RFNG: variants seen among roughly 807,000 people sequenced by gnomAD.
RFNG encodes the protein beta-1,3-N-acetylglucosaminyltransferase radical fringe.
Under a neutral mutation model 29.6 loss-of-function variants are expected in RFNG, and 37 were observed. The ratio of observed to expected loss-of-function variants is 1.25; its 90% CI spans 0.96 to 1.65. The LOEUF is 1.65. Among genes scored for constraint, RFNG ranks in the 40% most tolerant of loss-of-function variants. The probability of loss-of-function intolerance (pLI) is 0.00; values close to 1 mark genes in which losing one functional copy is unlikely to be tolerated. For synonymous variants in RFNG, 276 were observed against 197.3 expected (o/e 1.40, Z -3.34); for missense variants, 546 against 457.0 (o/e 1.19, Z -1.78).
rs778561237 is a variant in RFNG, at chr17:82,051,271, G to T, written c.316+23C>A. On this transcript the variant is annotated intron_variant, in intron 2 of 7. Coordinates refer to ENST00000310496, the MANE Select transcript of RFNG (RefSeq NM_002917.2). This position sits in a 1 kb window ranked among gnomAD's most constrained non-coding sequence, Gnocchi z 4.1. ...GGCTCGGGGGGCAGATCCCGCGGGC[G>T]CCGGGGAGTGGGGGACACTCACCGC... The T allele has an allele frequency of 4.4e-6, 6 of 1,354,202 alleles. No homozygotes were observed. The Admixed American group carries it at 1.7e-4, about 39-fold the overall frequency. 83.9% of individuals were successfully genotyped at this position (1,354,202 alleles called of 1,614,324 possible).
chr17:82,050,715 G>T lies in RFNG; in HGVS notation c.366C>A (p.Ala122=). The T allele has an allele frequency of 6.2e-7, 1 of 1,613,220 alleles. No homozygotes were observed. Among genetic ancestry groups the T allele is most frequent in the South Asian group, 1.1e-5 (1 of 91,084 alleles). The change falls in exon 3 of 8, where the codon GCC becomes GCA. Residue 122 remains alanine, a synonymous_variant. Transcript: ENST00000310496. The part of the protein sequence containing the change: ...TNCSAVRTRQ[A]LCCKMSVEYD... ...ACTCCACGGACATCTTGCAGCAGAGGGCCTGACGAGTGCGCACCGCCGAGC... is the reference window on the plus strand; with the variant it reads ...ACTCCACGGACATCTTGCAGCAGAGTGCCTGACGAGTGCGCACCGCCGAGC...
Position 82,049,948 on chromosome 17 carries a change from C to A in RFNG, c.632G>T (p.Gly211Val), listed in dbSNP as rs754177910. 8.1e-6 allele frequency: 13 copies of A among 1,612,498 alleles called. No individual in the cohort carries two copies. In the Admixed American group the frequency reaches 1.5e-4, roughly 19 times the overall value. Residue 211 changes from glycine to valine, a missense_variant, in exon 5 of 8, where the codon GGC becomes GTC. By Grantham distance (109) the Gly-to-Val change is moderately radical. Coordinates refer to ENST00000310496, the MANE Select transcript of RFNG (RefSeq NM_002917.2). ...TGGAGFCLSR[G>V]LALKMSPWAS... ...CCATGGGCTCATCTTGAGGGCAAGG[C>A]CTCTGCTGAGGCAGAACCCGGCCCC...
chr17:82,049,912 A>C lies in RFNG; in HGVS notation c.662+6T>G, dbSNP rs1216091472. 2.5e-6 allele frequency: 4 copies of C among 1,611,570 alleles called. No individual in the cohort carries two copies. The highest frequency in any genetic ancestry group is 3.4e-6 in the Non-Finnish European group (4 of 1,179,480). On this transcript the variant is annotated splice_donor_region_variant and intron_variant, in intron 5 of 7. Coordinates refer to ENST00000310496, the MANE Select transcript of RFNG (RefSeq NM_002917.2). ...TCCCAGCCCGGGCAGCTGGACCCCC[A>C]CTCACCTGGCCCATGGGCTCATCTT...
intron 4 of RFNG, 128 bp from the exon 5 acceptor site, chr17:82,050,134 T>A: frequency 1.1e-6 from 1 of 929,418 alleles, no homozygotes; most frequent in Non-Finnish European, 1.7e-6. Flanking sequence ...AGAAGCTTCT[T>A]GGAGCAAAAA....
chr17:82,050,056 C>T (rs2030223972), intron 4 of RFNG, 50 bp from the exon 5 acceptor site: 1 of 1,463,466 alleles, frequency 6.8e-7, no homozygotes. Flanking sequence ...CTTCTCACCC[C>T]TGACTCTTCA....
In RFNG at chr17:82,047,959, G is replaced by A. The variant is rs1355993285; in HGVS notation, c.*767C>T. ...GCAACAGCAAAGCAGGAGGCAGAGG[G>A]GAGATGACGGCCCCTGTCCCATTTC... is the stretch of plus-strand genomic sequence containing the variant. On this transcript the variant is annotated 3_prime_UTR_variant, in exon 8 of 8. Transcript: ENST00000310496. The A allele has an allele frequency of 1.3e-5, 2 of 152,312 alleles. No homozygotes were observed. The highest frequency in any genetic ancestry group is 2.4e-5 in the African/African-American group (1 of 41,426). The allele number at this position is 152,312 out of a possible 1,614,324, so 9.4% of individuals were successfully genotyped here.
rs1249096831 is a variant in RFNG, at chr17:82,051,389, G to A, written c.268-47C>T. On this transcript the variant is annotated intron_variant, in intron 1 of 7. Coordinates refer to ENST00000310496, the MANE Select transcript of RFNG (RefSeq NM_002917.2). The surrounding 1 kb of genome is among the most constrained non-coding windows in gnomAD (Gnocchi z 4.1). ...AGGCTTCTGGGGCGCTGCCCAGGCCGGAGACCGACCCGCCCCGCGCGGAGC... is the reference window on the plus strand; with the variant it reads ...AGGCTTCTGGGGCGCTGCCCAGGCCAGAGACCGACCCGCCCCGCGCGGAGC... The A allele has an allele frequency of 2.8e-6, 4 of 1,429,876 alleles. No homozygotes were observed. In the African/African-American group the frequency reaches 4.5e-5, roughly 16 times the overall value. 88.6% of individuals were successfully genotyped at this position (1,429,876 alleles called of 1,614,324 possible). A position where few individuals can be genotyped will look rare whatever the true frequency, so the allele number is the denominator to read the frequency against.
In RFNG at chr17:82,049,031, C is replaced by T. The variant is rs1027817427; in HGVS notation, c.914G>A (p.Arg305Gln). Residue 305 changes from arginine to glutamine, a missense_variant and splice_region_variant, in exon 7 of 8, where the codon CGG becomes CAG. Physicochemically the swap from Arg to Gln is conservative, Grantham distance 43. Transcript: ENST00000310496. ...GGFSLHQDPT[R>Q]FKSIHCLLYP... ...CCTGCCCATGCCACTACCTACTCAC[C>T]GTGTGGGGTCTTGATGCAGGCTGAA... The T allele has an allele frequency of 8.7e-6, 14 of 1,612,900 alleles. No homozygotes were observed. The highest frequency in any genetic ancestry group is 2.2e-5 in the South Asian group (2 of 91,066).
At position 82,049,776 on chromosome 17, in the gene RFNG, G is replaced by A. The variant is rs375305235; in HGVS notation, c.729C>T (p.Ile243=). The A allele has an allele frequency of 3.9e-6, 6 of 1,528,828 alleles. No individual in the cohort carries two copies. Among genetic ancestry groups the A allele is most frequent in the African/African-American group, 2.8e-5 (2 of 72,026 alleles). The allele number at this position is 1,528,828 out of a possible 1,614,324, so 94.7% of individuals were successfully genotyped here. Residue 243 remains isoleucine (I), a synonymous_variant, in exon 6 of 8, where the codon ATC becomes ATT. Transcript: ENST00000310496. ...GGCGGGCGCCCAGGAGCCCCTCCAC[G>A]ATGTAGCCAACTGTGCAGTCATCCG... ...RLPDDCTVGY[I]VEGLLGARLL... is the part of the protein sequence containing the mutation.
rs896850460 is a variant in RFNG at position 82,048,470 on chromosome 17, T to C, written c.*256A>G. Reference sequence around the variant, plus strand: ...GAAGCCTGTTCCCGTGGGATCAACCTTGGGGCTGGGTCGGGGGGAGGGGCA... The same window carrying C: ...GAAGCCTGTTCCCGTGGGATCAACCCTGGGGCTGGGTCGGGGGGAGGGGCA... On this transcript the variant is annotated 3_prime_UTR_variant, in exon 8 of 8. Coordinates refer to ENST00000310496, the MANE Select transcript of RFNG (RefSeq NM_002917.2). The C allele has an allele frequency of 9.4e-6, 5 of 532,870 alleles. No homozygotes were observed. Among genetic ancestry groups the C allele is most frequent in the East Asian group, 3.3e-5 (1 of 30,690 alleles). The allele number at this position is 532,870 out of a possible 1,614,324, so 33.0% of individuals were successfully genotyped here.
At position 82,050,517 on chromosome 17, in the gene RFNG, G is replaced by C; in HGVS notation, c.458C>G (p.Ala153Gly). ...CHVDDDNYVN[A>G]RSLLHLLSSF... Reference sequence around the variant, plus strand: ...GGAGAGCAGGTGCAGGAGGCTCCTGGCGTTCACATAATTGTCATCATCCAC... The same window carrying C: ...GGAGAGCAGGTGCAGGAGGCTCCTGCCGTTCACATAATTGTCATCATCCAC... The change falls in exon 4 of 8, where the codon GCC (alanine) becomes GGC (glycine). Residue 153 changes from alanine to glycine, a missense_variant. Physicochemically the swap from Ala to Gly is moderately conservative, Grantham distance 60 (BLOSUM62 0). Coordinates refer to ENST00000310496, the MANE Select transcript of RFNG (RefSeq NM_002917.2). 5 of 1,612,860 alleles carry C rather than the reference G, an allele frequency of 3.1e-6. No homozygotes were observed. The highest frequency in any genetic ancestry group is 4.2e-6 in the Non-Finnish European group (5 of 1,179,758).
rs748681219 is a variant in RFNG, at chr17:82,051,250, CG to C, written c.316+43del. 6 of 1,334,436 alleles carry C rather than the reference CG, an allele frequency of 4.5e-6. No individual in the cohort carries two copies. The highest frequency in any genetic ancestry group is 2.9e-5 in the East Asian group (1 of 34,186). The allele number at this position is 1,334,436 out of a possible 1,614,324, so 82.7% of individuals were successfully genotyped here. A position where few individuals can be genotyped will look rare whatever the true frequency, so the allele number is the denominator to read the frequency against. On this transcript the variant is annotated intron_variant, in intron 2 of 7. Transcript: ENST00000310496. The surrounding 1 kb of genome is among the most constrained non-coding windows in gnomAD (Gnocchi z 4.1). ...CCGTGGCTTCGGAGCGAGAAAGGCT[CG>C]GGGGGCAGATCCCGCGGGCGCCGGG...
chr17:82,048,861 C>T (rs758174620), intron 7 of RFNG, 54 bp from the exon 8 acceptor site: 12 of 1,514,936 alleles, frequency 7.9e-6, no homozygotes, highest in Admixed American at 5.1e-5. Context: ...GAAGCGGGGG[C>T]CAGGGCCGTG....
rs1385771186 is a variant in RFNG at position 82,051,580 on chromosome 17, C to T, written c.187G>A (p.Ala63Thr). Residue 63 changes from alanine (A) to threonine (T), a missense_variant, in exon 1 of 8, where the codon GCC (alanine) becomes ACC (threonine). Coordinates refer to ENST00000310496, the MANE Select transcript of RFNG (RefSeq NM_002917.2). This position sits in a 1 kb window ranked among gnomAD's most constrained non-coding sequence, Gnocchi z 4.1. ...PSLRPDDVFI[A>T]VKTTRKNHGP... is the part of the protein sequence containing the mutation. ...TGGTTCTTCCGGGTGGTCTTGACGG[C>T]GATGAAGACGTCGTCAGGCCGCAGG... is the stretch of plus-strand genomic sequence containing the variant. 1.5e-6 allele frequency: 2 copies of T among 1,340,878 alleles called. No individual in the cohort carries two copies. Among genetic ancestry groups the T allele is most frequent in the Non-Finnish European group, 1.9e-6 (2 of 1,043,270 alleles). 83.1% of individuals were successfully genotyped at this position (1,340,878 alleles called of 1,614,324 possible). A position where few individuals can be genotyped will look rare whatever the true frequency, so the allele number is the denominator to read the frequency against.
At chr17:82,049,414 C>T (rs544681908) in intron 6 of RFNG, 2 of 700,506 alleles carry the variant, frequency 2.9e-6, no homozygotes, top group South Asian at 3.0e-5. Flanking sequence ...ACACACCACA[C>T]CCACTGCCCA....
rs2030149206 is a variant in RFNG, at chr17:82,049,638, A to G, written c.828+39T>C. On this transcript the variant is annotated intron_variant, in intron 6 of 7. Coordinates refer to ENST00000310496, the MANE Select transcript of RFNG (RefSeq NM_002917.2). ...CCCCTGGGGGAGTCAGGGCGGGGCA[A>G]AGCCCAGGTGGCAGAGGCACCCAGA... is the stretch of plus-strand genomic sequence containing the variant. 3 of 1,461,434 alleles carry G rather than the reference A, an allele frequency of 2.1e-6. No individual in the cohort carries two copies. In the East Asian group the frequency reaches 7.4e-5, roughly 36 times the overall value. 90.5% of individuals were successfully genotyped at this position (1,461,434 alleles called of 1,614,324 possible).
intron 6 of RFNG, 86 bp downstream of exon 6, chr17:82,049,591 G>GC (rs2030142297): frequency 7.1e-7 from 1 of 1,418,004 alleles, no homozygotes; most frequent in Non-Finnish European, 9.5e-7. Flanking sequence ...GCTCAGCCGG[G>GC]CATCGGGCCG....
rs148620643 is a variant in RFNG, at chr17:82,050,699, A to C, written c.382T>G (p.Ser128Ala). ...RTRQALCCKM[S>A]VEYDKFIESG... Reference sequence around the variant, plus strand: ...TCAATGAACTTGTCATACTCCACGGACATCTTGCAGCAGAGGGCCTGACGA... The same window carrying C: ...TCAATGAACTTGTCATACTCCACGGCCATCTTGCAGCAGAGGGCCTGACGA... Residue 128 changes from serine (S) to alanine (A), a missense_variant, in exon 3 of 8, where the codon TCC becomes GCC. Transcript: ENST00000310496. 2.6e-5 allele frequency: 42 copies of C among 1,613,106 alleles called. No homozygotes were observed. The African/African-American group carries it at 4.7e-4, about 18-fold the overall frequency.
At chr17:82,050,599 G>A (rs1045063919) in intron 3 of RFNG, 44 bp from the exon 4 acceptor site, 3 of 1,608,100 alleles carry the variant, frequency 1.9e-6, no homozygotes, top group African/African-American at 2.7e-5. Flanking sequence ...TGGCATGGCT[G>A]GACAGGAGGC....
Sources: allele counts gnomAD v4.1 joint callset, GRCh38; gene constraint gnomAD v4.1.1; non-coding constraint Gnocchi (gnomAD v3.1); transcripts MANE v1.5; gene names NCBI Gene and HGNC (gene_info 2026-07-23, HGNC 2026-07-21).